Variants in ZNF565 observed in about 807,000 individuals in gnomAD.
The protein encoded by ZNF565 is zinc finger protein 565.
Under a neutral mutation model 39.4 loss-of-function variants are expected in ZNF565, and 27 were observed. The ratio of observed to expected loss-of-function variants is 0.69; its 90% CI spans 0.51 to 0.95. The LOEUF (loss-of-function observed/expected upper bound fraction) is 0.95. ZNF565 is among the 40% of genes least tolerant of loss of function. ZNF565 has a pLI of 0.00. For missense variants in ZNF565, 524 were observed against 621.1 expected (o/e 0.84, Z 1.66); for synonymous variants, 185 against 216.6 (o/e 0.85, Z 1.28).
chr19:36,230,894 C>G lies in ZNF565; in HGVS notation c.55+14582G>C, dbSNP rs192844353. ...TCGGCTCACTGCAACCTCCACTTTCCAGGTTCAAGCGATTCTCCTGCCTTA... is the reference window on the plus strand; with the variant it reads ...TCGGCTCACTGCAACCTCCACTTTCGAGGTTCAAGCGATTCTCCTGCCTTA... On this transcript the variant is annotated intron_variant, in intron 1 of 4. Transcript: ENST00000355114. Among the ~76,000 whole-genome samples the G allele has an allele frequency of 1.3e-3, 205 of 152,202 alleles. 1 individual carries two copies. Among genetic ancestry groups the G allele is most frequent in the African/African-American group, 4.5e-3 (187 of 41,512 alleles).
chr19:36,185,709 ACTCT>A (rs1415457664), intron 4 of ZNF565, among the ~76,000 whole-genome samples: 2 of 133,630 alleles, frequency 1.5e-5, no homozygotes, highest in Non-Finnish European at 3.1e-5. Flanking sequence ...ATGAAAACTC[ACTCT>A]CTATTTTTTT....
rs970001617 is a variant in ZNF565, at chr19:36,244,720, A to G, written c.55+756T>C. 3.3e-5 allele frequency among the ~76,000 whole-genome samples: 5 copies of G among 151,608 alleles called. No homozygotes were observed. The South Asian group carries it at 6.3e-4, about 19-fold the overall frequency. Reference sequence around the variant, plus strand: ...ACAAAAATTAGCCGGGTGTGGTGGCATGCGCCTGTAATCCCAGCTACTCGA... The same window carrying G: ...ACAAAAATTAGCCGGGTGTGGTGGCGTGCGCCTGTAATCCCAGCTACTCGA... On this transcript the variant is annotated intron_variant, in intron 1 of 4. Coordinates refer to the ZNF565 transcript ENST00000355114.
intron 1 of ZNF565, among the ~76,000 whole-genome samples, chr19:36,205,569 T>C (rs1204432674): frequency 6.6e-6 from 1 of 152,020 alleles, no homozygotes; most frequent in Non-Finnish European, 1.5e-5. Flanking sequence ...CACTTATTAA[T>C]GAAATGGAAG....
At chr19:36,208,205 A>ATTTTTTTTTTTTTTT (rs11307687) in intron 1 of ZNF565, among the ~76,000 whole-genome samples, 2 of 136,012 alleles carry the variant, frequency 1.5e-5, no homozygotes, top group African/African-American at 5.5e-5. Context: ...TTACAGGACA[A>ATTTTTTTTTTTTTTT]TTTTTTTTTT....
Position 36,183,369 on chromosome 19 carries a change from T to C in ZNF565, c.597A>G (p.Glu199=), listed in dbSNP as rs868411868. Residue 199 remains glutamate (E), a synonymous_variant, in exon 5 of 5, where the codon GAA becomes GAG. Transcript: ENST00000304116. ...HTGEKPFGCK[E]CGKAFSRASH... ...AGGCACGGCTGAAGGCCTTCCCACA[T>C]TCCTTACATCCAAAGGGTTTTTCAC... The C allele has an allele frequency of 6.2e-7, 1 of 1,608,412 alleles. No homozygotes were observed. Among genetic ancestry groups the C allele is most frequent in the African/African-American group, 1.3e-5 (1 of 74,822 alleles).
intron 1 of ZNF565, among the ~76,000 whole-genome samples, chr19:36,209,247 G>A (rs557516686): frequency 2.6e-5 from 4 of 152,078 alleles, no homozygotes; most frequent in South Asian, 2.1e-4. Context: ...ACAAAGAACC[G>A]GGGCTGGGCG....
At chr19:36,238,807 C>T (rs955762524) in intron 1 of ZNF565, 1 of 166,278 alleles carries the variant, frequency 6.0e-6, no homozygotes, top group African/African-American at 2.4e-5. Flanking sequence ...GGCATACACA[C>T]TATATCGGGG....
At chr19:36,234,111 C>T (rs1190042819) in intron 1 of ZNF565, among the ~76,000 whole-genome samples, 1 of 152,154 alleles carries the variant, frequency 6.6e-6, no homozygotes, top group East Asian at 1.9e-4. Flanking sequence ...TGCCTTCAAG[C>T]ATTTGTTTAA....
chr19:36,188,637 G>A (rs535417460), intron 4 of ZNF565, among the ~76,000 whole-genome samples: 2 of 151,642 alleles, frequency 1.3e-5, no homozygotes, highest in Admixed American at 6.6e-5. Context: ...TCTTGCATCT[G>A]GGAGGTGGAG....
chr19:36,185,025 C>CT (rs1399758239), intron 4 of ZNF565, among the ~76,000 whole-genome samples: 1 of 151,116 alleles, frequency 6.6e-6, no homozygotes, highest in Non-Finnish European at 1.5e-5. Flanking sequence ...GACCGAGACA[C>CT]AAGAATCACT....
At chr19:36,189,281 C>T (rs1009864202) in intron 4 of ZNF565, among the ~76,000 whole-genome samples, 1 of 151,576 alleles carries the variant, frequency 6.6e-6, no homozygotes, top group Non-Finnish European at 1.5e-5. Context: ...AGAGCCAGAA[C>T]CTGTCTCACA....
upstream of ZNF565, chr19:36,215,033 C>T (rs562541488): frequency 6.6e-6 from 1 of 152,428 alleles, no homozygotes; most frequent in East Asian, 1.9e-4. Flanking sequence ...AATTCAGTAC[C>T]AGCCTGGGCC....
intron 1 of ZNF565, among the ~76,000 whole-genome samples, chr19:36,202,552 T>TC (rs1423288401): frequency 1.3e-5 from 2 of 151,832 alleles, no homozygotes; most frequent in Non-Finnish European, 2.9e-5. Flanking sequence ...GCTGACACAG[T>TC]CCCCCATCTT....
At chr19:36,204,832 A>C (rs1293018846) in intron 1 of ZNF565, among the ~76,000 whole-genome samples, 2 of 151,890 alleles carry the variant, frequency 1.3e-5, no homozygotes, top group African/African-American at 4.8e-5. Context: ...TCTACTAAAA[A>C]TACAAAAATT....
intron 1 of ZNF565, among the ~76,000 whole-genome samples, chr19:36,227,064 C>T: frequency 7.0e-6 from 1 of 141,962 alleles, no homozygotes; most frequent in South Asian, 2.2e-4. Flanking sequence ...GCCTGGGCAA[C>T]AAGAGTAAAA....
chr19:36,241,923 G>C (rs1033766590), intron 1 of ZNF565, among the ~76,000 whole-genome samples: 3 of 151,966 alleles, frequency 2.0e-5, no homozygotes, highest in Admixed American at 6.6e-5. Flanking sequence ...GGAAAACATA[G>C]GAACATAGGA....
chr19:36,221,813 T>C (rs772098074), intron 1 of ZNF565, among the ~76,000 whole-genome samples: 4 of 152,022 alleles, frequency 2.6e-5, no homozygotes, highest in Non-Finnish European at 4.4e-5. Flanking sequence ...TATATTTCTC[T>C]TCACTCCTGT....
intron 1 of ZNF565, among the ~76,000 whole-genome samples, chr19:36,225,686 C>T (rs1249556924): frequency 6.6e-6 from 1 of 151,644 alleles, no homozygotes; most frequent in Non-Finnish European, 1.5e-5. Flanking sequence ...AGTCTACCCA[C>T]CTCAGTGTCT....
chr19:36,207,398 C>T (rs1203998184), intron 1 of ZNF565, among the ~76,000 whole-genome samples: 1 of 151,858 alleles, frequency 6.6e-6, no homozygotes, highest in Non-Finnish European at 1.5e-5. Context: ...AAGTTAGCTG[C>T]GTATGGTGGT....
Sources: allele counts gnomAD v4.1 joint callset (sites outside exome capture counted in the v4.1 genomes callset), GRCh38; gene constraint gnomAD v4.1.1; transcripts MANE v1.5; gene names NCBI Gene and HGNC (gene_info 2026-07-23, HGNC 2026-07-21).